The following TENT4B variants were observed in gnomAD, a reference collection of about 807,000 sequenced individuals.
TENT4B encodes the protein PAP associated domain containing 5.
In TENT4B, 10 loss-of-function variants were observed where a neutral mutation model predicts 75.0. That is an observed-to-expected ratio of 0.13 (90% confidence interval 0.08 to 0.23). TENT4B has a LOEUF of 0.23. Among genes scored for constraint, TENT4B ranks in the 10% least tolerant of loss-of-function variants. The pLI, the probability that TENT4B is intolerant of heterozygous loss-of-function variation, is 1.00. For missense variants in TENT4B, 579 were observed against 893.8 expected, an observed-to-expected ratio of 0.65 and a Z score of 4.49; for synonymous variants, 350 against 357.7, an observed-to-expected ratio of 0.98 and a Z score of 0.24.
At chr16:50,208,049 G>C (rs1322840395) in intron 1 of TENT4B, among the ~76,000 whole-genome samples, 1 of 152,182 alleles carries the variant, frequency 6.6e-6, no homozygotes. Flanking sequence ...ATATAGGTGA[G>C]ATGGTGATGC....
At chr16:50,175,199 A>T (rs1282248881) in intron 1 of TENT4B, among the ~76,000 whole-genome samples, 1 of 152,150 alleles carries the variant, frequency 6.6e-6, no homozygotes, top group African/African-American at 2.4e-5. Context: ...CTTTTATTAG[A>T]TACGTGTTTT....
At chr16:50,174,929 G>A (rs904172183) in intron 1 of TENT4B, among the ~76,000 whole-genome samples, 1 of 151,864 alleles carries the variant, frequency 6.6e-6, no homozygotes, top group Non-Finnish European at 1.5e-5. Flanking sequence ...TTTTAGTAGA[G>A]ATGGGGTTTC....
At chr16:50,223,463 T>G in intron 7 of TENT4B, 76 bp downstream of exon 7, 2 of 973,460 alleles carry the variant, frequency 2.1e-6, no homozygotes, top group Non-Finnish European at 3.0e-6. Context: ...TTAAATTCTC[T>G]TTAGATGAAA....
rs11641614 is a variant in TENT4B at position 50,225,552 on chromosome 16, A to G, written c.1800+267A>G. 7.4e-3 allele frequency among the ~76,000 whole-genome samples: 1,126 copies of G among 152,328 alleles called. 10 individuals are homozygous for G. Among genetic ancestry groups the G allele is most frequent in the Non-Finnish European group, 0.011 (751 of 68,034 alleles). On this transcript the variant is annotated intron_variant, in intron 10 of 11. Transcript: ENST00000561678. ...TTACTTGCTTATGTCATACCTGTCT[A>G]TCCATCACTCTATCCATTAATTCAT...
Position 50,214,215 on chromosome 16 carries a change from T to C in TENT4B, c.763-6T>C. On this transcript the variant is annotated splice_polypyrimidine_tract_variant and splice_region_variant and intron_variant, in intron 2 of 11. Transcript: ENST00000561678. ...AATATAATAACAACTTCTTTTTCTG[T>C]TTCAGGTCCAGATATTTGGAAGTTT... The C allele has an allele frequency of 6.4e-7, 1 of 1,571,906 alleles. No homozygotes were observed. The highest frequency in any genetic ancestry group is 8.7e-7 in the Non-Finnish European group (1 of 1,146,524).
chr16:50,180,974 A>G (rs183265915), intron 1 of TENT4B, among the ~76,000 whole-genome samples: 17 of 152,314 alleles, frequency 1.1e-4, no homozygotes, highest in Non-Finnish European at 1.5e-5. Context: ...ATTTTTCTGT[A>G]TTGATTAGAA....
intron 1 of TENT4B, among the ~76,000 whole-genome samples, chr16:50,191,973 T>G (rs1308234227): frequency 6.6e-6 from 1 of 151,816 alleles, no homozygotes; most frequent in Non-Finnish European, 1.5e-5. Flanking sequence ...CCGGGCATGG[T>G]GTCTCACGCT....
chr16:50,224,520 G>A, intron 7 of TENT4B, 137 bp from the exon 8 acceptor site: 1 of 991,146 alleles, frequency 1.0e-6, no homozygotes, highest in Non-Finnish European at 1.5e-6. Context: ...GAGCTTTGGG[G>A]ACAGCTCACA....
chr16:50,165,433 A>T (rs910055269), intron 1 of TENT4B, among the ~76,000 whole-genome samples: 13 of 152,160 alleles, frequency 8.5e-5, no homozygotes, highest in Admixed American at 7.2e-4. Flanking sequence ...ATTTTTATTG[A>T]GATAGTAATT....
intron 1 of TENT4B, among the ~76,000 whole-genome samples, chr16:50,197,673 C>T (rs1361400592): frequency 6.6e-6 from 1 of 152,076 alleles, no homozygotes; most frequent in Non-Finnish European, 1.5e-5. Flanking sequence ...ACAGCCATGT[C>T]GTGGAAAAAG....
intron 4 of TENT4B, among the ~76,000 whole-genome samples, 169 bp downstream of exon 4, chr16:50,216,364 G>A (rs558387733): frequency 6.6e-6 from 1 of 152,350 alleles, no homozygotes; most frequent in South Asian, 2.1e-4. Context: ...ACACTGGAGT[G>A]TGACCATACA....
At chr16:50,167,553 G>A (rs1304242978) in intron 1 of TENT4B, among the ~76,000 whole-genome samples, 1 of 151,278 alleles carries the variant, frequency 6.6e-6, no homozygotes, top group Non-Finnish European at 1.5e-5. Flanking sequence ...TCATACGTAA[G>A]AAACTGTTGC....
chr16:50,225,750 T>A (rs1182903879), intron 10 of TENT4B, among the ~76,000 whole-genome samples: 1 of 151,710 alleles, frequency 6.6e-6, no homozygotes, highest in Non-Finnish European at 1.5e-5. Flanking sequence ...TGGTATGATC[T>A]CGGCTCACTG....
chr16:50,193,331 G>GTTTTTTT (rs774084083), intron 1 of TENT4B, among the ~76,000 whole-genome samples: 1 of 101,488 alleles, frequency 9.9e-6, no homozygotes, highest in East Asian at 3.1e-4. Flanking sequence ...AGTTCCTGGA[G>GTTTTTTT]TTTTTTTTTT....
intron 1 of TENT4B, among the ~76,000 whole-genome samples, chr16:50,177,674 G>C (rs1431063753): frequency 6.6e-6 from 1 of 151,738 alleles, no homozygotes; most frequent in Non-Finnish European, 1.5e-5. Flanking sequence ...TCTTTTCAAA[G>C]AACCAGTTTT....
chr16:50,192,605 A>G (rs2029925358), intron 1 of TENT4B, among the ~76,000 whole-genome samples: 1 of 152,146 alleles, frequency 6.6e-6, no homozygotes, highest in Non-Finnish European at 1.5e-5. Context: ...TCCTGTAAAG[A>G]TAGTTGTTTT....
intron 1 of TENT4B, among the ~76,000 whole-genome samples, chr16:50,210,012 T>TA (rs1333667329): frequency 3.3e-4 from 51 of 152,278 alleles, no homozygotes; most frequent in Non-Finnish European, 1.9e-4. Context: ...AAGGCTCTGT[T>TA]AAGCTGTGGC....
Position 50,232,944 on chromosome 16 carries a change from A to G in TENT4B, c.*3616A>G. 2.0e-6 allele frequency: 2 copies of G among 985,336 alleles called. No individual in the cohort carries two copies. The highest frequency in any genetic ancestry group is 2.4e-6 in the Non-Finnish European group (2 of 829,846). The allele number at this position is 985,336 out of a possible 1,614,324, so 61.0% of individuals were successfully genotyped here. ...GTAAACTATCAAAAATACATTCCCA[A>G]TTTTGCTGTGATAAATATTGAAATG... On this transcript the variant is annotated 3_prime_UTR_variant, in exon 12 of 12. Transcript: ENST00000561678.
rs2032347688 is a variant in TENT4B at position 50,233,223 on chromosome 16, G to A, written c.*3895G>A. The A allele has an allele frequency of 5.1e-6, 5 of 984,934 alleles. No homozygotes were observed. The highest frequency in any genetic ancestry group is 6.0e-6 in the Non-Finnish European group (5 of 829,718). The allele number at this position is 984,934 out of a possible 1,614,324, so 61.0% of individuals were successfully genotyped here. ...ATGTTAACATTCCAGCATTAAAGTG[G>A]GAACAAAGATTTATATATGAAATTC... is the stretch of plus-strand genomic sequence containing the variant. On this transcript the variant is annotated 3_prime_UTR_variant, in exon 12 of 12. Transcript: ENST00000561678.
Sources: allele counts gnomAD v4.1 joint callset (sites outside exome capture counted in the v4.1 genomes callset), GRCh38; gene constraint gnomAD v4.1.1; transcripts MANE v1.5; gene names NCBI Gene and HGNC (gene_info 2026-07-23, HGNC 2026-07-21).